Variants in ABCB5 observed in about 807,000 individuals in gnomAD.
ABCB5 encodes ATP binding cassette subfamily B member 5.
Under a neutral mutation model 144.2 loss-of-function variants are expected in ABCB5, and 155 were observed. That is an observed-to-expected ratio of 1.08 (90% CI 0.94 to 1.23). The LOEUF is 1.23. ABCB5 is among the 50% of genes most tolerant of loss of function. ABCB5 has a pLI of 0.00. For missense variants in ABCB5, 1,830 were observed against 1,520.8 expected (o/e 1.20, Z -3.38); for synonymous variants, 610 against 528.6 (o/e 1.15, Z -2.11).
At chr7:20,725,085 C>T (rs928831701) in intron 21 of ABCB5, among the ~76,000 whole-genome samples, 3 of 152,184 alleles carry the variant, frequency 2.0e-5, no homozygotes, top group Non-Finnish European at 4.4e-5. Flanking sequence ...TGCCCTTTGA[C>T]TTTTCCTTTA....
chr7:20,699,134 C>G (rs1786521309), intron 17 of ABCB5, among the ~76,000 whole-genome samples: 1 of 152,108 alleles, frequency 6.6e-6, no homozygotes, highest in Admixed American at 6.5e-5. Context: ...CATTAAAAAG[C>G]CTCACCTTGC....
chr7:20,711,729 T>C (rs1385950174), intron 20 of ABCB5, among the ~76,000 whole-genome samples: 1 of 149,012 alleles, frequency 6.7e-6, no homozygotes, highest in Non-Finnish European at 1.5e-5. Context: ...GCTGGGATTA[T>C]GGGTGTGAGC....
intron 13 of ABCB5, among the ~76,000 whole-genome samples, chr7:20,654,960 G>C (rs562001234): frequency 6.6e-6 from 1 of 150,610 alleles, no homozygotes; most frequent in East Asian, 2.0e-4. Flanking sequence ...GCAAGACTAA[G>C]TAAATAGAAA....
chr7:20,645,657 C>T, intron 7 of ABCB5, 99 bp from the exon 8 acceptor site: 4 of 1,398,298 alleles, frequency 2.9e-6, no homozygotes, highest in Admixed American at 2.2e-5. Context: ...AAAAAAATAC[C>T]ATTAGTCTAC....
intron 16 of ABCB5, among the ~76,000 whole-genome samples, chr7:20,695,657 T>G (rs191413652): frequency 3.3e-5 from 5 of 152,040 alleles, no homozygotes; most frequent in Non-Finnish European, 1.5e-5. Flanking sequence ...AAAATGTTTG[T>G]AAATCACATA....
At chr7:20,633,540 C>A (rs374892847) in intron 5 of ABCB5, among the ~76,000 whole-genome samples, 41 of 152,180 alleles carry the variant, frequency 2.7e-4, no homozygotes, top group African/African-American at 8.7e-4. Context: ...TGCTGTAATA[C>A]ATATAACGTA....
At chr7:20,672,714 G>T (rs1466122414) in intron 14 of ABCB5, among the ~76,000 whole-genome samples, 1 of 152,024 alleles carries the variant, frequency 6.6e-6, no homozygotes, top group Admixed American at 6.6e-5. Context: ...ACAGTTTAAG[G>T]TTCCTTTTGT....
intron 14 of ABCB5, among the ~76,000 whole-genome samples, chr7:20,675,510 C>T (rs2158852): frequency 0.9 from 137,053 of 152,104 alleles, 61,967 homozygotes; most frequent in East Asian, 1. Context: ...AGGTTAAAGA[C>T]ATCAGTATAA....
At chr7:20,662,286 T>A (rs545583562) in intron 14 of ABCB5, among the ~76,000 whole-genome samples, 1 of 152,318 alleles carries the variant, frequency 6.6e-6, no homozygotes, top group East Asian at 1.9e-4. Flanking sequence ...GTCTTAACCA[T>A]CACTGTGCTT....
intron 2 of ABCB5, among the ~76,000 whole-genome samples, chr7:20,623,687 T>C (rs1583373954): frequency 2.6e-5 from 4 of 152,318 alleles, no homozygotes; most frequent in Admixed American, 2.6e-4. Context: ...TTCCATGTGG[T>C]ACCTTTAATA....
intron 26 of ABCB5, 78 bp downstream of exon 26, chr7:20,745,516 T>G: frequency 7.9e-7 from 1 of 1,265,822 alleles, no homozygotes; most frequent in Non-Finnish European, 1.1e-6. Flanking sequence ...GCAGTTGTTT[T>G]TATGTATTCC....
Position 20,643,609 on chromosome 7 carries a change from G to T in ABCB5, c.655G>T (p.Ala219Ser), listed in dbSNP as rs775759271. 6.2e-7 allele frequency: 1 copy of T among 1,613,902 alleles called. No homozygotes were observed. Residue 219 changes from alanine to serine, a missense_variant, in exon 7 of 28, where the codon GCT becomes TCT. Ala to Ser is a moderately conservative substitution (Grantham distance 99). Coordinates refer to ENST00000404938, the MANE Select transcript of ABCB5 (RefSeq NM_001163941.2). ...TCTATCCACGTCTCCTCTTATAATG[G>T]CTTCAGCGGCAGCATGTTCTAGGGT... The part of the protein sequence containing the change: ...VTLSTSPLIM[A>S]SAAACSRMVI...
chr7:20,629,485 G>T (rs1473957442), intron 4 of ABCB5, among the ~76,000 whole-genome samples: 1 of 152,048 alleles, frequency 6.6e-6, no homozygotes, highest in Admixed American at 6.6e-5. Flanking sequence ...AATCAAGGCC[G>T]GGTGCAGTGG....
At chr7:20,705,127 AC>A (rs1193012509) in intron 20 of ABCB5, among the ~76,000 whole-genome samples, 1 of 152,208 alleles carries the variant, frequency 6.6e-6, no homozygotes, top group Non-Finnish European at 1.5e-5. Flanking sequence ...CGAAATGAAA[AC>A]ACACACACTT....
intron 14 of ABCB5, among the ~76,000 whole-genome samples, chr7:20,665,550 G>A (rs192048153): frequency 9.6e-4 from 146 of 152,200 alleles, no homozygotes; most frequent in Non-Finnish European, 1.9e-3. Flanking sequence ...AGAGTAGTGA[G>A]AAGTTCTCAG....
chr7:20,650,448 T>G (rs1784546933), intron 12 of ABCB5, among the ~76,000 whole-genome samples: 1 of 152,144 alleles, frequency 6.6e-6, no homozygotes, highest in African/African-American at 2.4e-5. Context: ...ATATAGTATG[T>G]TAGAAGGGAG....
intron 23 of ABCB5, among the ~76,000 whole-genome samples, chr7:20,735,722 G>A (rs1452023633): frequency 1.3e-5 from 2 of 152,158 alleles, no homozygotes; most frequent in Admixed American, 1.3e-4. Context: ...CCAACATGTA[G>A]GAAAAGACCA....
chr7:20,664,814 G>C (rs1785119199), intron 14 of ABCB5, among the ~76,000 whole-genome samples: 2 of 152,098 alleles, frequency 1.3e-5, no homozygotes, highest in Admixed American at 6.6e-5. Context: ...AGTAAAGCTG[G>C]GAGTGGTGGC....
chr7:20,634,171 T>A (rs1784100095), intron 5 of ABCB5, among the ~76,000 whole-genome samples: 1 of 86,476 alleles, frequency 1.2e-5, no homozygotes, highest in Non-Finnish European at 2.2e-5. Flanking sequence ...TCTTGATCCA[T>A]CCATGTTGCT....
Sources: allele counts gnomAD v4.1 joint callset (sites outside exome capture counted in the v4.1 genomes callset), GRCh38; gene constraint gnomAD v4.1.1; transcripts MANE v1.5; gene names NCBI Gene and HGNC (gene_info 2026-07-23, HGNC 2026-07-21).